Variants in GRIA4 observed in about 807,000 individuals in gnomAD.
The protein encoded by GRIA4 is glutamate ionotropic receptor AMPA type subunit 4.
A neutral mutation model predicts 104.0 loss-of-function variants in GRIA4; 34 were observed. That is an observed-to-expected ratio of 0.33 (90% CI 0.25 to 0.44). GRIA4 has a LOEUF of 0.44. Ranked by LOEUF, GRIA4 falls within the 20% of genes least tolerant of loss-of-function variation. GRIA4 has a pLI of 1.00. For synonymous variants in GRIA4, 386 were observed against 381.9 expected (o/e 1.01, Z -0.13); for missense variants, 750 against 1,096.5 (o/e 0.68, Z 4.46).
At chr11:105,617,599 A>G (rs1412494743) in intron 3 of GRIA4, among the ~76,000 whole-genome samples, 6 of 152,114 alleles carry the variant, frequency 3.9e-5, no homozygotes, top group African/African-American at 1.4e-4. Context: ...AGGGCAAGAC[A>G]GTTCTGGGCA....
chr11:105,855,184 C>G (rs1235726978), intron 4 of GRIA4, among the ~76,000 whole-genome samples: 1 of 152,124 alleles, frequency 6.6e-6, no homozygotes, highest in Non-Finnish European at 1.5e-5. Context: ...GACCATACTA[C>G]AGTCCAAGTC....
At chr11:105,932,185 C>CTGGA (rs1947897090) in intron 13 of GRIA4, among the ~76,000 whole-genome samples, 1 of 151,928 alleles carries the variant, frequency 6.6e-6, no homozygotes, top group African/African-American at 2.4e-5. Context: ...GTCACCCAGG[C>CTGGA]TGGAGTGCAG....
rs142610031 is a variant in GRIA4, at chr11:105,893,575, T to C, written c.727-4694T>C. 6.4e-3 allele frequency among the ~76,000 whole-genome samples: 975 copies of C among 152,262 alleles called. 12 individuals are homozygous for C. Among genetic ancestry groups the C allele is most frequent in the African/African-American group, 0.022 (923 of 41,542 alleles). ...AGACATGGCAATTTTTCCCTTTACT[T>C]TCAGCATAAGAACAGGATGGACTCG... On this transcript the variant is annotated intron_variant, in intron 6 of 16. Transcript: ENST00000282499.
chr11:105,674,262 T>C (rs1952465698), intron 3 of GRIA4, among the ~76,000 whole-genome samples: 1 of 152,000 alleles, frequency 6.6e-6, no homozygotes, highest in Non-Finnish European at 1.5e-5. Context: ...TGCAAGTAAA[T>C]CAATTTCACA....
intron 10 of GRIA4, among the ~76,000 whole-genome samples, chr11:105,918,243 C>G (rs370386738): frequency 3.3e-5 from 5 of 152,018 alleles, no homozygotes; most frequent in African/African-American, 4.8e-5. Flanking sequence ...ATGACGTAAC[C>G]TTTTTCTTAA....
intron 3 of GRIA4, among the ~76,000 whole-genome samples, chr11:105,627,015 G>C (rs1452123402): frequency 6.6e-6 from 1 of 152,090 alleles, no homozygotes; most frequent in Non-Finnish European, 1.5e-5. Flanking sequence ...GCAGATATTT[G>C]GAAATTCTAG....
At chr11:105,816,591 T>C (rs191859743) in intron 4 of GRIA4, among the ~76,000 whole-genome samples, 69 of 152,172 alleles carry the variant, frequency 4.5e-4, no homozygotes, top group Non-Finnish European at 7.8e-4. Flanking sequence ...AAACGTCTTT[T>C]CTTATAAATT....
chr11:105,837,440 C>A (rs1176024324), intron 4 of GRIA4, among the ~76,000 whole-genome samples: 1 of 152,106 alleles, frequency 6.6e-6, no homozygotes, highest in Non-Finnish European at 1.5e-5. Flanking sequence ...CATACCTGGT[C>A]CCTTCATTAC....
Position 105,884,225 on chromosome 11 carries a change from T to C in GRIA4, c.673-3294T>C, listed in dbSNP as rs192761545. 2.0e-4 allele frequency among the ~76,000 whole-genome samples: 30 copies of C among 152,376 alleles called. No individual in the cohort carries two copies. The East Asian group carries it at 5.2e-3, about 26-fold the overall frequency. ...CACTTGTGTGAACACAGTTCCATTT[T>C]ATATTCCTATCTTTCAACTCAAACT... is the stretch of plus-strand genomic sequence containing the variant. On this transcript the variant is annotated intron_variant, in intron 5 of 16. Coordinates refer to ENST00000282499, the MANE Select transcript of GRIA4 (RefSeq NM_000829.4).
At chr11:105,690,134 G>A (rs572527628) in intron 3 of GRIA4, among the ~76,000 whole-genome samples, 20 of 152,218 alleles carry the variant, frequency 1.3e-4, no homozygotes, top group South Asian at 6.2e-4. Context: ...TAGACAGAAA[G>A]ATTGAGAGAG....
intron 3 of GRIA4, among the ~76,000 whole-genome samples, chr11:105,698,823 A>G (rs193221472): frequency 2.0e-4 from 31 of 152,372 alleles, no homozygotes; most frequent in African/African-American, 7.2e-4. Flanking sequence ...TAGGAATGAC[A>G]GGACTTTTCA....
At chr11:105,813,965 C>T (rs908135935) in intron 4 of GRIA4, among the ~76,000 whole-genome samples, 13 of 151,940 alleles carry the variant, frequency 8.6e-5, no homozygotes, top group African/African-American at 1.9e-4. Flanking sequence ...TGCTAAGATC[C>T]GAATAGAAGA....
chr11:105,664,116 G>C (rs1280881464), intron 3 of GRIA4, among the ~76,000 whole-genome samples: 2 of 147,242 alleles, frequency 1.4e-5, no homozygotes, highest in Non-Finnish European at 3.0e-5. Context: ...GTGTGATGTT[G>C]TTGAGGGATG....
intron 4 of GRIA4, among the ~76,000 whole-genome samples, chr11:105,773,563 A>G (rs1021375711): frequency 6.6e-6 from 1 of 152,134 alleles, no homozygotes; most frequent in Non-Finnish European, 1.5e-5. Flanking sequence ...GCTGGGCTCT[A>G]CGCATCTCTG....
intron 4 of GRIA4, among the ~76,000 whole-genome samples, chr11:105,860,814 C>A (rs775763713): frequency 1.3e-5 from 2 of 151,846 alleles, no homozygotes; most frequent in Non-Finnish European, 2.9e-5. Flanking sequence ...CAAAAATCAG[C>A]CAGGTATGGT....
chr11:105,971,298 T>C (rs1308992952), intron 14 of GRIA4, among the ~76,000 whole-genome samples: 1 of 152,200 alleles, frequency 6.6e-6, no homozygotes, highest in East Asian at 1.9e-4. Context: ...CATCATGGGC[T>C]TACGCTTTAA....
chr11:105,720,123 T>C (rs1937689834), intron 3 of GRIA4, among the ~76,000 whole-genome samples: 1 of 151,986 alleles, frequency 6.6e-6, no homozygotes, highest in South Asian at 2.1e-4. Flanking sequence ...CCAGTATTTT[T>C]TTTTTTTAGC....
intron 3 of GRIA4, among the ~76,000 whole-genome samples, chr11:105,690,537 A>T (rs1166765026): frequency 6.6e-6 from 1 of 152,192 alleles, no homozygotes; most frequent in Non-Finnish European, 1.5e-5. Flanking sequence ...AGAGGGTCTG[A>T]ATGGGGCTGT....
At chr11:105,850,893 A>C (rs1944783449) in intron 4 of GRIA4, among the ~76,000 whole-genome samples, 1 of 152,152 alleles carries the variant, frequency 6.6e-6, no homozygotes, top group South Asian at 2.1e-4. Flanking sequence ...AGGGGAATAA[A>C]ATTAACCCAA....
Sources: allele counts gnomAD v4.1 joint callset (sites outside exome capture counted in the v4.1 genomes callset), GRCh38; gene constraint gnomAD v4.1.1; transcripts MANE v1.5; gene names NCBI Gene and HGNC (gene_info 2026-07-23, HGNC 2026-07-21).